ITPK1: variants seen among roughly 807,000 people sequenced by gnomAD.
The protein encoded by ITPK1 is inositol 1,3,4-trisphosphate 5/6-kinase.
ITPK1 carries 21 observed loss-of-function variants against 45.3 expected under a neutral mutation model. That is an observed-to-expected ratio of 0.46 (90% CI 0.33 to 0.67). The LOEUF is 0.67. Among genes scored for constraint, ITPK1 ranks in the 30% least tolerant of loss-of-function variants. The probability of loss-of-function intolerance (pLI) is 0.02; values close to 1 mark genes in which losing one functional copy is unlikely to be tolerated. For synonymous variants in ITPK1, 258 were observed against 253.6 expected, an observed-to-expected ratio of 1.02 and a Z score of -0.16; for missense variants, 474 against 573.5, an observed-to-expected ratio of 0.83 and a Z score of 1.77.
Position 92,941,563 on chromosome 14 carries a change from A to G in ITPK1, c.1243T>C (p.Ter415GlnextTer33). 6.5e-7 allele frequency: 1 copy of G among 1,532,482 alleles called. No homozygotes were observed. Among genetic ancestry groups the G allele is most frequent in the East Asian group, 2.5e-5 (1 of 40,508 alleles). The allele number at this position is 1,532,482 out of a possible 1,614,324, so 94.9% of individuals were successfully genotyped here. A position where few individuals can be genotyped will look rare whatever the true frequency, so the allele number is the denominator to read the frequency against. The change falls in exon 11 of 11, where the codon TAG becomes CAG. Residue 415 changes from the stop codon to glutamine, a stop_lost. Coordinates refer to ENST00000267615, the MANE Select transcript of ITPK1 (RefSeq NM_014216.6). ...ASLATKASSQ[*>Q] ...CCCTCTGGGTCCCGGCTCCGTGGCT[A>G]CTGGGAGGAGGCCTTGGTGGCCAGG...
At chr14:92,968,655 C>T (rs749918789) in intron 5 of ITPK1, among the ~76,000 whole-genome samples, 10 of 152,338 alleles carry the variant, frequency 6.6e-5, no homozygotes, top group Middle Eastern at 3.4e-3. Flanking sequence ...GCCAGACACC[C>T]CCACCCTTCT....
chr14:93,039,297 C>T (rs886934476), intron 3 of ITPK1, among the ~76,000 whole-genome samples: 2 of 152,172 alleles, frequency 1.3e-5, no homozygotes, highest in Non-Finnish European at 2.9e-5. Flanking sequence ...AGAGGCTGTT[C>T]TCTCTCCTTC....
intron 3 of ITPK1, among the ~76,000 whole-genome samples, chr14:93,054,087 T>G (rs1032877703): frequency 1.3e-5 from 2 of 152,172 alleles, no homozygotes; most frequent in African/African-American, 4.8e-5. Context: ...ACATCTTCTT[T>G]CCCCACATCC....
Position 92,949,909 on chromosome 14 carries a change from G to A in ITPK1, c.738+2037C>T, listed in dbSNP as rs557644905. Reference sequence around the variant, plus strand: ...GAGGTGACAGAGGAACTGGGAAGGCGTTCATGGGTCCCCAGTGGGCCTCGG... The same window carrying A: ...GAGGTGACAGAGGAACTGGGAAGGCATTCATGGGTCCCCAGTGGGCCTCGG... On this transcript the variant is annotated intron_variant, in intron 9 of 10. Transcript: ENST00000267615. Among the ~76,000 whole-genome samples, 25 of 152,288 alleles carry A rather than the reference G, an allele frequency of 1.6e-4. No individual in the cohort carries two copies. The East Asian group carries it at 2.5e-3, about 15-fold the overall frequency.
intron 3 of ITPK1, among the ~76,000 whole-genome samples, chr14:93,066,863 G>C (rs1271597001): frequency 6.6e-6 from 1 of 152,140 alleles, no homozygotes; most frequent in Admixed American, 6.5e-5. Context: ...CTTTGACTAC[G>C]ATGGTTCTGC....
At chr14:93,018,365 G>A (rs1010378594) in intron 3 of ITPK1, among the ~76,000 whole-genome samples, 1 of 152,192 alleles carries the variant, frequency 6.6e-6, no homozygotes, top group East Asian at 1.9e-4. Flanking sequence ...TAGCACCGGG[G>A]AACTTTGTCC....
chr14:92,964,025 T>C (rs1428665323), intron 5 of ITPK1, among the ~76,000 whole-genome samples: 2 of 152,170 alleles, frequency 1.3e-5, no homozygotes, highest in African/African-American at 2.4e-5. Context: ...GGACATTAAA[T>C]CAAGGTAGAT....
At chr14:92,971,149 G>A (rs1321187380) in intron 5 of ITPK1, among the ~76,000 whole-genome samples, 6 of 152,098 alleles carry the variant, frequency 3.9e-5, no homozygotes, top group Admixed American at 3.3e-4. Flanking sequence ...AGGGCCCCAC[G>A]CTGCTCATCT....
intron 2 of ITPK1, among the ~76,000 whole-genome samples, chr14:93,105,128 C>T (rs1439265592): frequency 6.6e-6 from 1 of 152,176 alleles, no homozygotes; most frequent in African/African-American, 2.4e-5. Flanking sequence ...ACCTGGTGCC[C>T]CTGCCATGTC....
chr14:92,989,771 C>T (rs572825652), intron 5 of ITPK1, among the ~76,000 whole-genome samples: 1 of 152,312 alleles, frequency 6.6e-6, no homozygotes, highest in East Asian at 1.9e-4. Context: ...GCTGCCTGTG[C>T]CTCTGCCTAG....
intron 4 of ITPK1, among the ~76,000 whole-genome samples, chr14:93,008,691 G>C (rs1471894379): frequency 1.3e-5 from 2 of 152,238 alleles, no homozygotes; most frequent in African/African-American, 4.8e-5. Flanking sequence ...TTTATTACAT[G>C]AAGACAAAGG....
chr14:93,000,939 T>C (rs1178374582), intron 4 of ITPK1, among the ~76,000 whole-genome samples: 3 of 124,478 alleles, frequency 2.4e-5, no homozygotes, highest in Admixed American at 1.8e-4. Context: ...CCACTCCACT[T>C]CACTCCAGCC....
At chr14:93,021,329 G>T (rs941698679) in intron 3 of ITPK1, among the ~76,000 whole-genome samples, 1 of 151,746 alleles carries the variant, frequency 6.6e-6, no homozygotes, top group Non-Finnish European at 1.5e-5. Flanking sequence ...ATAGTGGCTT[G>T]TGCCTGTAAT....
intron 8 of ITPK1, among the ~76,000 whole-genome samples, chr14:92,952,938 CT>C (rs1164639340): frequency 6.6e-6 from 1 of 152,256 alleles, no homozygotes; most frequent in Non-Finnish European, 1.5e-5. Context: ...CATCCCACGA[CT>C]TCCCCCAAGG....
rs112749102 is a variant in ITPK1 at position 93,103,836 on chromosome 14, T to C, written c.95+11233A>G. Reference sequence around the variant, plus strand: ...ATGGAAACAGGGTGTGAGGCAGAAATGAAAGTGAAACTGCCACAGGAGGGT... The same window carrying C: ...ATGGAAACAGGGTGTGAGGCAGAAACGAAAGTGAAACTGCCACAGGAGGGT... On this transcript the variant is annotated intron_variant, in intron 2 of 10. Coordinates refer to ENST00000267615, the MANE Select transcript of ITPK1 (RefSeq NM_014216.6). 5.0e-4 allele frequency among the ~76,000 whole-genome samples: 76 copies of C among 152,002 alleles called. No homozygotes were observed. In the Middle Eastern group the frequency reaches 0.01, roughly 20 times the overall value.
intron 5 of ITPK1, among the ~76,000 whole-genome samples, chr14:92,970,662 G>A (rs1885601979): frequency 1.3e-5 from 2 of 151,008 alleles, no homozygotes; most frequent in African/African-American, 4.9e-5. Flanking sequence ...TTGAGACGGA[G>A]TCTCGCTCTG....
intron 8 of ITPK1, among the ~76,000 whole-genome samples, chr14:92,957,498 G>A (rs971632470): frequency 3.3e-5 from 5 of 152,206 alleles, no homozygotes; most frequent in African/African-American, 4.8e-5. Context: ...AGCAGCTGGC[G>A]GAAGGAAGGC....
rs151058176 is a variant in ITPK1, at chr14:92,943,336, G to A, written c.902-1432C>T. On this transcript the variant is annotated intron_variant, in intron 10 of 10. Coordinates refer to ENST00000267615, the MANE Select transcript of ITPK1 (RefSeq NM_014216.6). ...TCAGCCCACCGCACCCCTGCAGCCC[G>A]TTTCACAGGTGAGGACCCTGAGGCT... Among the ~76,000 whole-genome samples, 40 of 152,328 alleles carry A rather than the reference G, an allele frequency of 2.6e-4. No individual in the cohort carries two copies. The South Asian group carries it at 3.9e-3, about 15-fold the overall frequency.
At chr14:93,071,368 G>A (rs904548579) in intron 3 of ITPK1, 2 of 152,248 alleles carry the variant, frequency 1.3e-5, no homozygotes, top group Non-Finnish European at 2.9e-5. Context: ...GTCCCTCTCC[G>A]AGGAAGGATT....
Sources: allele counts gnomAD v4.1 joint callset (sites outside exome capture counted in the v4.1 genomes callset), GRCh38; gene constraint gnomAD v4.1.1; transcripts MANE v1.5; gene names NCBI Gene and HGNC (gene_info 2026-07-23, HGNC 2026-07-21).